FHOD3: variants seen among roughly 807,000 people sequenced by gnomAD.
The protein encoded by FHOD3 is FH1/FH2 domain-containing protein 3.
Under a neutral mutation model 173.0 loss-of-function variants are expected in FHOD3, and 90 were observed. The ratio of observed to expected loss-of-function variants is 0.52; its 90% confidence interval spans 0.44 to 0.62. The LOEUF is 0.62. Among genes scored for constraint, FHOD3 ranks in the 20% least tolerant of loss-of-function variants. The pLI is 0.00. For missense variants in FHOD3, 1,945 were observed against 2,034.7 expected, an observed-to-expected ratio of 0.96 and a Z score of 0.85; for synonymous variants, 828 against 823.0, an observed-to-expected ratio of 1.01 and a Z score of -0.10.
At chr18:36,654,297 T>C (rs1466157768) in intron 13 of FHOD3, among the ~76,000 whole-genome samples, 1 of 152,190 alleles carries the variant, frequency 6.6e-6, no homozygotes, top group East Asian at 1.9e-4. Context: ...TTTCACCTAA[T>C]AAATAGGAGG....
intron 3 of FHOD3, among the ~76,000 whole-genome samples, chr18:36,491,961 A>G (rs1037468841): frequency 6.6e-6 from 1 of 152,192 alleles, no homozygotes; most frequent in Non-Finnish European, 1.5e-5. Context: ...CTGTGAAAGT[A>G]TGGCCAAATA....
At chr18:36,666,172 C>T (rs2037168116) in intron 14 of FHOD3, among the ~76,000 whole-genome samples, 1 of 152,226 alleles carries the variant, frequency 6.6e-6, no homozygotes, top group Non-Finnish European at 1.5e-5. Flanking sequence ...GCTATTCCTT[C>T]CCATGGCCAA....
rs57990649 is a variant in FHOD3, at chr18:36,435,178, A to G, written c.337+62434A>G. Among the ~76,000 whole-genome samples, 395 of 151,970 alleles carry G rather than the reference A, an allele frequency of 2.6e-3. 2 individuals are homozygous for G. The highest frequency in any genetic ancestry group is 8.9e-3 in the African/African-American group (369 of 41,498). On this transcript the variant is annotated intron_variant, in intron 3 of 28. Coordinates refer to ENST00000590592, the MANE Select transcript of FHOD3 (RefSeq NM_001281740.3). ...TAGTGGGTTGTAAACTAAATGGTGA[A>G]AATGGAAGTCATTTCAAGAGCAAAA...
chr18:36,561,606 A>G (rs745629183), intron 5 of FHOD3, among the ~76,000 whole-genome samples: 12 of 152,210 alleles, frequency 7.9e-5, no homozygotes, highest in South Asian at 4.1e-4. Context: ...GTACAATTCA[A>G]TGACATTAAA....
intron 6 of FHOD3, among the ~76,000 whole-genome samples, chr18:36,592,228 A>T (rs925908901): frequency 6.6e-6 from 1 of 152,156 alleles, no homozygotes; most frequent in Admixed American, 6.5e-5. Flanking sequence ...CAAAAAAAAT[A>T]AATAAATCAG....
intron 28 of FHOD3, among the ~76,000 whole-genome samples, chr18:36,775,053 G>A (rs527423422): frequency 5.1e-4 from 77 of 152,254 alleles, no homozygotes; most frequent in Admixed American, 9.8e-4. Flanking sequence ...GAACAAGGAG[G>A]GCGTGAATGG....
intron 1 of FHOD3, among the ~76,000 whole-genome samples, chr18:36,303,249 G>A (rs1283347119): frequency 6.6e-6 from 1 of 152,208 alleles, no homozygotes. Context: ...CTGCGTTTAA[G>A]TGAAGGAGCT....
rs144433484 is a variant in FHOD3 at position 36,495,700 on chromosome 18, C to T, written c.338-6232C>T. The stretch of plus-strand genomic sequence containing the variant: ...AGCTGGAGGGTCAGTGGACCTGCAA[C>T]TAGGCTGTGCCAACCACAGATTGAA... On this transcript the variant is annotated intron_variant, in intron 3 of 28. Transcript: ENST00000590592. Among the ~76,000 whole-genome samples the T allele has an allele frequency of 2.6e-4, 39 of 152,292 alleles. No homozygotes were observed. In the East Asian group the frequency reaches 7.5e-3, roughly 29 times the overall value.
chr18:36,567,462 G>A (rs182629284), intron 5 of FHOD3, among the ~76,000 whole-genome samples: 19 of 152,276 alleles, frequency 1.2e-4, no homozygotes, highest in Non-Finnish European at 2.1e-4. Flanking sequence ...AGGAGTTTTG[G>A]TTTGGAGTAA....
intron 1 of FHOD3, among the ~76,000 whole-genome samples, 160 bp from the exon 2 acceptor site, chr18:36,355,379 C>T (rs749375211): frequency 6.6e-6 from 1 of 152,308 alleles, no homozygotes; most frequent in African/African-American, 2.4e-5. Context: ...AGATTGTTCC[C>T]GATCTATTTG....
chr18:36,532,388 G>A (rs1405558482), intron 5 of FHOD3, among the ~76,000 whole-genome samples: 1 of 152,198 alleles, frequency 6.6e-6, no homozygotes, highest in African/African-American at 2.4e-5. Flanking sequence ...GAAGAGAGAA[G>A]GAAGAAAAGG....
intron 16 of FHOD3, 149 bp downstream of exon 16, chr18:36,687,327 AC>A (rs1389920688): frequency 1.7e-6 from 1 of 598,168 alleles, no homozygotes; most frequent in African/African-American, 1.9e-5. Context: ...TGTACTAGTT[AC>A]CTAAATTTTC....
intron 1 of FHOD3, among the ~76,000 whole-genome samples, chr18:36,350,283 G>A (rs1157943064): frequency 2.0e-5 from 3 of 152,134 alleles, no homozygotes; most frequent in African/African-American, 7.2e-5. Context: ...TCTGAGACTG[G>A]CTGCCCGCTG....
At chr18:36,383,909 C>G (rs1210545127) in intron 3 of FHOD3, among the ~76,000 whole-genome samples, 1 of 152,180 alleles carries the variant, frequency 6.6e-6, no homozygotes, top group African/African-American at 2.4e-5. Context: ...TCCAATAACA[C>G]TAGCTGCTCT....
At chr18:36,531,606 A>G (rs1249679318) in intron 5 of FHOD3, among the ~76,000 whole-genome samples, 1 of 152,220 alleles carries the variant, frequency 6.6e-6, no homozygotes, top group African/African-American at 2.4e-5. Flanking sequence ...CTAAGATTAC[A>G]TGGACTCACT....
At chr18:36,727,408 T>C (rs913676506) in intron 19 of FHOD3, among the ~76,000 whole-genome samples, 1 of 152,206 alleles carries the variant, frequency 6.6e-6, no homozygotes, top group Admixed American at 6.5e-5. Flanking sequence ...ACTAACCAGA[T>C]GACACTTGAG....
At chr18:36,720,572 TAGG>T (rs1000977706) in intron 19 of FHOD3, among the ~76,000 whole-genome samples, 4 of 152,066 alleles carry the variant, frequency 2.6e-5, no homozygotes, top group African/African-American at 9.7e-5. Context: ...GCCTGACATT[TAGG>T]AGAAGACCAG....
intron 3 of FHOD3, among the ~76,000 whole-genome samples, chr18:36,424,245 C>T (rs1209414866): frequency 6.6e-6 from 1 of 152,220 alleles, no homozygotes; most frequent in African/African-American, 2.4e-5. Flanking sequence ...CTTCACAGTA[C>T]AGTGCCACAT....
chr18:36,621,028 C>T (rs1401108413), intron 9 of FHOD3, among the ~76,000 whole-genome samples: 1 of 152,094 alleles, frequency 6.6e-6, no homozygotes, highest in Non-Finnish European at 1.5e-5. Context: ...TGGAAACAGG[C>T]CCAATTTCCT....
Sources: gnomAD v4.1 joint callset for allele counts (sites outside exome capture counted in the v4.1 genomes callset) on GRCh38, gnomAD v4.1.1 for gene constraint, MANE v1.5 for transcripts, NCBI Gene and HGNC (gene_info 2026-07-23, HGNC 2026-07-21) for gene names.